COL21A1: variants seen among roughly 807,000 people sequenced by gnomAD.
The protein encoded by COL21A1 is collagen alpha-1(XXI) chain.
Under a neutral mutation model 137.9 loss-of-function variants are expected in COL21A1, and 149 were observed. The observed-to-expected ratio is 1.08, with a 90% confidence interval of 0.95 to 1.24. The LOEUF is 1.24. COL21A1 is among the 50% of genes most tolerant of loss of function. The pLI, the probability that COL21A1 is intolerant of heterozygous loss-of-function variation, is 0.00. For synonymous variants in COL21A1, 456 were observed against 391.5 expected, an observed-to-expected ratio of 1.16 and a Z score of -1.95; for missense variants, 1,167 against 1,158.4, an observed-to-expected ratio of 1.01 and a Z score of -0.11.
chr6:56,112,014 G>A (rs561858363), intron 16 of COL21A1, among the ~76,000 whole-genome samples: 1 of 151,856 alleles, frequency 6.6e-6, no homozygotes, highest in African/African-American at 2.4e-5. Flanking sequence ...AAAATTAGAG[G>A]ATTTACACCA....
intron 25 of COL21A1, 65 bp downstream of exon 25, chr6:56,061,584 T>C: frequency 8.6e-7 from 1 of 1,157,494 alleles, no homozygotes; most frequent in Middle Eastern, 2.0e-4. Flanking sequence ...TTATATAGTA[T>C]TGAAACCCAA....
intron 1 of COL21A1, among the ~76,000 whole-genome samples, chr6:56,244,272 T>A (rs1236075054): frequency 6.6e-6 from 1 of 152,200 alleles, no homozygotes; most frequent in African/African-American, 2.4e-5. Context: ...TCATTCCTAG[T>A]TGGCCATTCA....
intron 1 of COL21A1, among the ~76,000 whole-genome samples, chr6:56,343,264 A>C (rs1368721375): frequency 1.3e-5 from 2 of 152,080 alleles, no homozygotes; most frequent in East Asian, 3.9e-4. Flanking sequence ...AAAAGCTTAC[A>C]ATTCTTTGAG....
intron 1 of COL21A1, among the ~76,000 whole-genome samples, chr6:56,254,233 G>C (rs1019282321): frequency 2.0e-5 from 3 of 152,138 alleles, no homozygotes; most frequent in Non-Finnish European, 4.4e-5. Context: ...TTTCCTATTA[G>C]GCTTCTTCTT....
chr6:56,269,547 T>G (rs931361726), intron 1 of COL21A1, among the ~76,000 whole-genome samples: 2 of 148,080 alleles, frequency 1.4e-5, no homozygotes, highest in Non-Finnish European at 3.0e-5. Context: ...CCCAGCTACT[T>G]GGGAGGCTGA....
intron 12 of COL21A1, among the ~76,000 whole-genome samples, chr6:56,129,310 G>T (rs1321089065): frequency 6.6e-6 from 1 of 151,978 alleles, no homozygotes; most frequent in African/African-American, 2.4e-5. Flanking sequence ...CTAATTTTAG[G>T]ATTCAGCTTC....
At chr6:56,231,336 T>C (rs946524417) in intron 1 of COL21A1, among the ~76,000 whole-genome samples, 1 of 151,950 alleles carries the variant, frequency 6.6e-6, no homozygotes, top group Non-Finnish European at 1.5e-5. Context: ...GGAAGCATTA[T>C]ATTCAGTTCG....
intron 17 of COL21A1, among the ~76,000 whole-genome samples, chr6:56,097,976 T>C (rs1295603623): frequency 3.5e-5 from 2 of 57,528 alleles, no homozygotes; most frequent in African/African-American, 8.7e-5. Context: ...AATATATAAA[T>C]ATATATAAAT....
chr6:56,307,432 CT>C (rs1764491795), intron 1 of COL21A1, among the ~76,000 whole-genome samples: 1 of 152,200 alleles, frequency 6.6e-6, no homozygotes, highest in South Asian at 2.1e-4. Context: ...GTGGGCACCC[CT>C]CCCCCAGCCT....
At chr6:56,294,424 A>G (rs938953645) in intron 1 of COL21A1, among the ~76,000 whole-genome samples, 9 of 152,098 alleles carry the variant, frequency 5.9e-5, no homozygotes, top group Non-Finnish European at 7.4e-5. Flanking sequence ...TTTTTTGTTT[A>G]TAATGTTAGG....
At chr6:56,166,052 T>C (rs1368325717) in intron 7 of COL21A1, among the ~76,000 whole-genome samples, 1 of 151,094 alleles carries the variant, frequency 6.6e-6, no homozygotes, top group Non-Finnish European at 1.5e-5. Context: ...AGAACTATAA[T>C]AAATTTTTAC....
In COL21A1 at chr6:56,061,649, C is replaced by T; in HGVS notation, c.2205G>A (p.Glu735=). ...GIQGHHGAKG[E]RGEKGEPGVR... Reference sequence around the variant, plus strand: ...GAGCATAATATATGAAGAAACATACCTCTCCTTTTGCACCATGATGGCCTT... The same window carrying T: ...GAGCATAATATATGAAGAAACATACTTCTCCTTTTGCACCATGATGGCCTT... Residue 735 remains glutamate (E), a splice_region_variant and synonymous_variant, in exon 25 of 30, where the codon GAG becomes GAA. Coordinates refer to ENST00000244728, the MANE Select transcript of COL21A1 (RefSeq NM_030820.4). The T allele has an allele frequency of 5.0e-6, 8 of 1,586,724 alleles. No individual in the cohort carries two copies. Among genetic ancestry groups the T allele is most frequent in the Non-Finnish European group, 6.9e-6 (8 of 1,160,408 alleles).
intron 1 of COL21A1, among the ~76,000 whole-genome samples, chr6:56,383,108 C>T (rs1291009490): frequency 6.6e-6 from 1 of 152,144 alleles, no homozygotes; most frequent in Non-Finnish European, 1.5e-5. Flanking sequence ...GTGACTTAAA[C>T]AATAAGAATA....
At chr6:56,191,340 G>A (rs141951825) in intron 1 of COL21A1, among the ~76,000 whole-genome samples, 264 of 151,402 alleles carry the variant, frequency 1.7e-3, no homozygotes, top group African/African-American at 6.0e-3. Context: ...TAATCCCAGC[G>A]CTTTGGGAGG....
intron 1 of COL21A1, among the ~76,000 whole-genome samples, chr6:56,360,282 G>A (rs1293971732): frequency 1.3e-5 from 2 of 152,208 alleles, no homozygotes; most frequent in Non-Finnish European, 2.9e-5. Flanking sequence ...ATGTGATGTG[G>A]ACCACTTTGA....
intron 5 of COL21A1, among the ~76,000 whole-genome samples, chr6:56,169,179 T>C (rs1186945279): frequency 6.6e-6 from 1 of 151,990 alleles, no homozygotes; most frequent in Non-Finnish European, 1.5e-5. Flanking sequence ...TTTAGGCTCA[T>C]GGAACTCTTG....
intron 16 of COL21A1, among the ~76,000 whole-genome samples, chr6:56,114,393 C>A (rs1470934520): frequency 2.0e-5 from 3 of 152,164 alleles, no homozygotes; most frequent in East Asian, 3.8e-4. Context: ...TTTTCTAGTT[C>A]TTTTAATTGT....
intron 1 of COL21A1, among the ~76,000 whole-genome samples, chr6:56,367,849 G>A (rs1562074440): frequency 6.6e-6 from 1 of 152,142 alleles, no homozygotes; most frequent in Admixed American, 6.5e-5. Context: ...CGGGTAGCTG[G>A]GACTACAGGC....
rs61326932 is a variant in COL21A1, at chr6:56,267,754, TAAA to T, written c.-38-85101_-38-85099del. ...CCTGGGCAACAGAGCAAGACTCTGTTAAAAAAAAAAAAAAAAAAGAAGAAGAAG... is the reference window on the plus strand; with the variant it reads ...CCTGGGCAACAGAGCAAGACTCTGTTAAAAAAAAAAAAAAAGAAGAAGAAG... On this transcript the variant is annotated intron_variant, in intron 1 of 28. Transcript: ENST00000370819. 1.4e-3 allele frequency among the ~76,000 whole-genome samples: 178 copies of T among 131,454 alleles called. 1 individual carries two copies. Among genetic ancestry groups the T allele is most frequent in the African/African-American group, 3.7e-3 (129 of 34,638 alleles). 86.2% of individuals were successfully genotyped at this position (131,454 alleles called of 152,430 possible).
Sources: allele counts gnomAD v4.1 joint callset (sites outside exome capture counted in the v4.1 genomes callset), GRCh38; gene constraint gnomAD v4.1.1; transcripts MANE v1.5; gene names NCBI Gene and HGNC (gene_info 2026-07-23, HGNC 2026-07-21).